The following SETD5 variants were observed in gnomAD, a reference collection of about 807,000 sequenced individuals.
SETD5 encodes the protein histone-lysine N-methyltransferase SETD5.
SETD5 carries 44 observed loss-of-function variants against 153.3 expected under a neutral mutation model. The observed-to-expected ratio is 0.29, with a 90% CI of 0.23 to 0.37. The LOEUF (loss-of-function observed/expected upper bound fraction) is 0.37, where lower values mean the gene tolerates loss of function less well. Among genes scored for constraint, SETD5 ranks in the 10% least tolerant of loss-of-function variants. SETD5 has a pLI of 1.00. For synonymous variants in SETD5, 716 were observed against 645.2 expected (o/e 1.11, Z -1.66); for missense variants, 1,544 against 1,768.0 (o/e 0.87, Z 2.27).
chr3:9,407,517 C>T (rs573648242), intron 1 of SETD5, among the ~76,000 whole-genome samples: 7 of 152,074 alleles, frequency 4.6e-5, no homozygotes, highest in South Asian at 2.1e-4. Flanking sequence ...AGTAGTACAC[C>T]GAGCAACAAG....
At chr3:9,463,717 A>G (rs186279306) in intron 17 of SETD5, among the ~76,000 whole-genome samples, 217 of 152,358 alleles carry the variant, frequency 1.4e-3, no homozygotes, top group Non-Finnish European at 2.6e-3. Flanking sequence ...AGGGACACAC[A>G]TATATAAGAG....
chr3:9,439,594 G>A (rs929482191), intron 7 of SETD5, among the ~76,000 whole-genome samples: 42 of 152,278 alleles, frequency 2.8e-4, no homozygotes, highest in African/African-American at 8.7e-4. Context: ...CTTGAACACC[G>A]TGGAGGAGAA....
At chr3:9,449,467 C>G (rs1476862791) in intron 16 of SETD5, 1 of 152,190 alleles carries the variant, frequency 6.6e-6, no homozygotes, top group Non-Finnish European at 1.5e-5. Context: ...ACACCCTTTT[C>G]TCTTATCCTC....
At chr3:9,460,453 T>A (rs1436041993) in intron 17 of SETD5, among the ~76,000 whole-genome samples, 5 of 151,576 alleles carry the variant, frequency 3.3e-5, no homozygotes, top group Non-Finnish European at 5.9e-5. Flanking sequence ...TTTTTAATAG[T>A]ATGAGCATGG....
chr3:9,409,948 T>A (rs1408982536), intron 1 of SETD5, among the ~76,000 whole-genome samples: 2 of 152,236 alleles, frequency 1.3e-5, no homozygotes, highest in African/African-American at 4.8e-5. Context: ...AACAATATGA[T>A]TACTGGAAAG....
chr3:9,474,694 T>C, intron 21 of SETD5, 112 bp downstream of exon 21: 1 of 1,428,262 alleles, frequency 7.0e-7, no homozygotes, highest in Non-Finnish European at 9.5e-7. Context: ...GCAGTTGGGC[T>C]CCACCGCATG....
At chr3:9,475,448 CGCGT>C (rs1559498388) in intron 22 of SETD5, 31 bp from the exon 23 acceptor site, 1 of 1,582,880 alleles carries the variant, frequency 6.3e-7, no homozygotes. Context: ...GGGACTTGTT[CGCGT>C]CCTTATTCGT....
chr3:9,477,546 C>T lies in SETD5; in HGVS notation c.*1455C>T. The T allele has an allele frequency of 6.6e-6, 1 of 152,590 alleles. No homozygotes were observed. The allele number at this position is 152,590 out of a possible 1,614,324, so 9.5% of individuals were successfully genotyped here. ...CTCTAATTTGTTTTCCTTTTTTCCCCAGCCTCTTGCATCCCCTTCTTTTCT... is the reference window on the plus strand; with the variant it reads ...CTCTAATTTGTTTTCCTTTTTTCCCTAGCCTCTTGCATCCCCTTCTTTTCT... On this transcript the variant is annotated 3_prime_UTR_variant, in exon 23 of 23. Coordinates refer to ENST00000402198, the MANE Select transcript of SETD5 (RefSeq NM_001080517.3).
chr3:9,431,700 T>C, intron 3 of SETD5: 2 of 985,832 alleles, frequency 2.0e-6, no homozygotes, highest in Non-Finnish European at 2.4e-6. Context: ...TTTATTTTTA[T>C]TCCCTAGACT....
At chr3:9,454,891 T>C (rs1249277656) in intron 17 of SETD5, among the ~76,000 whole-genome samples, 1 of 152,002 alleles carries the variant, frequency 6.6e-6, no homozygotes, top group African/African-American at 2.4e-5. Context: ...TTTTTAAATA[T>C]TAGACAATCA....
intron 18 of SETD5, 50 bp downstream of exon 18, chr3:9,464,722 G>T (rs780114786): frequency 6.2e-7 from 1 of 1,612,524 alleles, no homozygotes. Context: ...ATCATCATTT[G>T]TACCTTCTCA....
intron 18 of SETD5, among the ~76,000 whole-genome samples, chr3:9,469,787 A>G (rs1388438427): frequency 6.6e-6 from 1 of 152,210 alleles, no homozygotes; most frequent in Non-Finnish European, 1.5e-5. Flanking sequence ...ATCTGCAGTG[A>G]TGAGCATTAG....
At chr3:9,470,411 T>C in intron 18 of SETD5, 48 bp from the exon 19 acceptor site, 1 of 1,487,026 alleles carries the variant, frequency 6.7e-7, no homozygotes, top group Non-Finnish European at 9.2e-7. Context: ...CCTTTGACTT[T>C]TTCCTTTCTC....
chr3:9,421,014 T>C (rs2124910011), intron 1 of SETD5, among the ~76,000 whole-genome samples: 1 of 152,288 alleles, frequency 6.6e-6, no homozygotes, highest in African/African-American at 2.4e-5. Flanking sequence ...TCTTACTTGC[T>C]ACAAATGCTG....
chr3:9,418,836 C>T (rs1045407380), intron 1 of SETD5, among the ~76,000 whole-genome samples: 1 of 150,252 alleles, frequency 6.7e-6, no homozygotes, highest in Admixed American at 6.6e-5. Flanking sequence ...CATACATAAA[C>T]ATTGGGAATT....
rs370208992 is a variant in SETD5 at position 9,470,508 on chromosome 3, C to T, written c.2774C>T (p.Ser925Phe). 1.5e-5 allele frequency: 24 copies of T among 1,613,770 alleles called. 1 individual carries two copies. The African/African-American group carries it at 2.8e-4, about 19-fold the overall frequency. Residue 925 changes from serine to phenylalanine, a missense_variant, in exon 19 of 23, where the codon TCC (serine) becomes TTC (phenylalanine). Ser to Phe is a radical substitution (Grantham distance 155). This residue lies in a region of SETD5 where 782 missense variants were observed against 787.2 expected (regional missense o/e 0.99). Coordinates refer to ENST00000402198, the MANE Select transcript of SETD5 (RefSeq NM_001080517.3). ...LDLAKVGYLD[S>F]NTNSCADRPS... ...TTGGCAAAAGTAGGATACCTTGACT[C>T]CAACACTAACAGCTGTGCTGATAGA... is the stretch of plus-strand genomic sequence containing the variant.
intron 3 of SETD5, chr3:9,430,690 A>G: frequency 2.7e-6 from 1 of 368,820 alleles, no homozygotes. Flanking sequence ...GGTTAAACCA[A>G]TACGTTTGGA....
chr3:9,473,577 G>C (rs573440689), intron 20 of SETD5, 40 bp downstream of exon 20: 5 of 1,542,592 alleles, frequency 3.2e-6, no homozygotes, highest in Middle Eastern at 3.4e-4. Context: ...AATTGGGGGT[G>C]GGGGGGAGTA....
intron 7 of SETD5, among the ~76,000 whole-genome samples, chr3:9,436,279 A>G (rs576171161): frequency 6.6e-6 from 1 of 152,222 alleles, no homozygotes; most frequent in Admixed American, 6.5e-5. Flanking sequence ...TACATGCCTC[A>G]TGTCTTTGGG....
Sources: gnomAD v4.1 joint callset for allele counts (sites outside exome capture counted in the v4.1 genomes callset) on GRCh38, gnomAD v4.1.1 for gene constraint, gnomAD v4.1.1 regional missense constraint, MANE v1.5 for transcripts, NCBI Gene and HGNC (gene_info 2026-07-23, HGNC 2026-07-21) for gene names.